GOLPH3L: variants seen among roughly 807,000 people sequenced by gnomAD.
The protein encoded by GOLPH3L is golgi phosphoprotein 3 like, also known as Golgi phosphoprotein 3-like.
A neutral mutation model predicts 30.3 loss-of-function variants in GOLPH3L; 22 were observed. The observed-to-expected ratio is 0.73, with a 90% confidence interval of 0.52 to 1.04. GOLPH3L has a LOEUF of 1.04. GOLPH3L is among the 50% of genes least tolerant of loss of function. The pLI is 0.00. For synonymous variants in GOLPH3L, 120 were observed against 128.2 expected, an observed-to-expected ratio of 0.94 and a Z score of 0.43; for missense variants, 303 against 345.8, an observed-to-expected ratio of 0.88 and a Z score of 0.98.
At chr1:150,675,162 G>A (rs963943952) in intron 2 of GOLPH3L, among the ~76,000 whole-genome samples, 1 of 152,042 alleles carries the variant, frequency 6.6e-6, no homozygotes, top group South Asian at 2.1e-4. Flanking sequence ...TTACAGATGT[G>A]AGCCACCTGG....
rs1650426744 is a variant in GOLPH3L, at chr1:150,663,693, A to G, written c.254T>C (p.Met85Thr). The G allele has an allele frequency of 6.8e-6, 11 of 1,613,578 alleles. No individual in the cohort carries two copies. Among genetic ancestry groups the G allele is most frequent in the Non-Finnish European group, 9.3e-6 (11 of 1,179,642 alleles). Residue 85 changes from methionine (M) to threonine (T), a missense_variant, in exon 3 of 5, where the codon ATG (methionine) becomes ACG (threonine). Met to Thr is a moderately conservative substitution (Grantham distance 81). Transcript: ENST00000271732. ...GGGTTCCAGATAGATTCGACCCCGCATGGCCAGCTCTATCAGGATGCCCCC... is the reference window on the plus strand; with the variant it reads ...GGGTTCCAGATAGATTCGACCCCGCGTGGCCAGCTCTATCAGGATGCCCCC... The part of the protein sequence containing the change: ...LRGGILIELA[M>T]RGRIYLEPPT...
chr1:150,662,120 G>A (rs2458393), intron 3 of GOLPH3L, among the ~76,000 whole-genome samples, 192 bp from the exon 4 acceptor site: 4,761 of 152,152 alleles, frequency 0.031, 264 homozygotes, highest in African/African-American at 0.11. Flanking sequence ...AACATTTGAA[G>A]TGGGCCCTAG....
At chr1:150,671,728 C>T (rs904291252) in intron 2 of GOLPH3L, among the ~76,000 whole-genome samples, 3 of 149,096 alleles carry the variant, frequency 2.0e-5, no homozygotes, top group Admixed American at 1.4e-4. Flanking sequence ...ATCGCTTGAA[C>T]CTGGGAGGCG....
intron 4 of GOLPH3L, among the ~76,000 whole-genome samples, chr1:150,655,621 GT>G (rs985926305): frequency 4.6e-5 from 7 of 152,154 alleles, no homozygotes; most frequent in African/African-American, 1.7e-4. Context: ...CTTTAAAATG[GT>G]TAACAGATAA....
At chr1:150,671,125 C>T (rs587635107) in intron 2 of GOLPH3L, among the ~76,000 whole-genome samples, 1 of 152,074 alleles carries the variant, frequency 6.6e-6, no homozygotes, top group South Asian at 2.1e-4. Flanking sequence ...GCCTGTAATC[C>T]CAGCTACTCA....
At chr1:150,682,088 G>T (rs942330827) in intron 2 of GOLPH3L, among the ~76,000 whole-genome samples, 5 of 151,774 alleles carry the variant, frequency 3.3e-5, no homozygotes, top group African/African-American at 1.2e-4. Context: ...TGATGCATCT[G>T]TGTATACATA....
chr1:150,694,856 G>C lies in GOLPH3L; in HGVS notation c.-12-6C>G. ...GTGGTCATTCTCACCTGTTTCTGGA[G>C]GGAGTGGTGAAAAAAAAAATCCATA... On this transcript the variant is annotated splice_region_variant and splice_polypyrimidine_tract_variant and intron_variant, in intron 1 of 4. Coordinates refer to ENST00000271732, the MANE Select transcript of GOLPH3L (RefSeq NM_018178.6). 1 of 1,558,774 alleles carries C rather than the reference G, an allele frequency of 6.4e-7. No individual in the cohort carries two copies. Among genetic ancestry groups the C allele is most frequent in the Non-Finnish European group, 8.7e-7 (1 of 1,153,242 alleles).
chr1:150,684,003 G>A (rs1390117987), intron 2 of GOLPH3L, among the ~76,000 whole-genome samples: 3 of 152,088 alleles, frequency 2.0e-5, no homozygotes, highest in Non-Finnish European at 4.4e-5. Flanking sequence ...TTTAGAAGAG[G>A]TGATTAAGTT....
chr1:150,686,858 A>C (rs1304966698), intron 2 of GOLPH3L, among the ~76,000 whole-genome samples: 6 of 152,238 alleles, frequency 3.9e-5, no homozygotes, highest in Non-Finnish European at 1.5e-5. Flanking sequence ...CCTACTATTA[A>C]AACAGGTCTT....
At chr1:150,662,283 G>A (rs1186780996) in intron 3 of GOLPH3L, among the ~76,000 whole-genome samples, 7 of 152,008 alleles carry the variant, frequency 4.6e-5, no homozygotes, top group Admixed American at 2.0e-4. Flanking sequence ...AGGCTGAGGC[G>A]GGTGGATCAC....
intron 4 of GOLPH3L, among the ~76,000 whole-genome samples, chr1:150,659,165 G>A (rs1313707655): frequency 6.6e-6 from 1 of 152,146 alleles, no homozygotes; most frequent in Non-Finnish European, 1.5e-5. Flanking sequence ...TCTGTGAGAA[G>A]TAGCTCACCT....
At chr1:150,670,607 T>C in intron 2 of GOLPH3L, among the ~76,000 whole-genome samples, 1 of 152,020 alleles carries the variant, frequency 6.6e-6, no homozygotes, top group Non-Finnish European at 1.5e-5. Flanking sequence ...AAAAAATAAA[T>C]AAATAAATAA....
rs1466944958 is a variant in GOLPH3L at position 150,668,149 on chromosome 1, C to T, written c.184-4386G>A. ...ATCATATTGCAAACAACTATTTCTC[C>T]TGACCAGACTACAAATTCCTTAAGG... On this transcript the variant is annotated intron_variant, in intron 2 of 4. Coordinates refer to ENST00000271732, the MANE Select transcript of GOLPH3L (RefSeq NM_018178.6). 2.0e-5 allele frequency among the ~76,000 whole-genome samples: 3 copies of T among 152,156 alleles called. No individual in the cohort carries two copies. The East Asian group carries it at 5.8e-4, about 29-fold the overall frequency.
chr1:150,655,988 C>T (rs1650230250), intron 4 of GOLPH3L, among the ~76,000 whole-genome samples: 1 of 152,216 alleles, frequency 6.6e-6, no homozygotes, highest in African/African-American at 2.4e-5. Context: ...CAACCTGCAG[C>T]CTGCTAAGCG....
chr1:150,649,275 T>TC (rs1200623659), intron 4 of GOLPH3L, among the ~76,000 whole-genome samples: 1 of 152,168 alleles, frequency 6.6e-6, no homozygotes, highest in Admixed American at 6.5e-5. Flanking sequence ...AACACCTCTT[T>TC]CCCCCAGCAC....
At chr1:150,696,174 T>C (rs1052864731) in intron 1 of GOLPH3L, among the ~76,000 whole-genome samples, 11 of 152,136 alleles carry the variant, frequency 7.2e-5, no homozygotes, top group African/African-American at 2.7e-4. Flanking sequence ...TCCTAATAAG[T>C]AGTGTTGCCA....
At chr1:150,686,903 T>C (rs1202961972) in intron 2 of GOLPH3L, among the ~76,000 whole-genome samples, 3 of 152,202 alleles carry the variant, frequency 2.0e-5, no homozygotes, top group African/African-American at 4.8e-5. Flanking sequence ...ATACCAATAG[T>C]AAATAGTTAT....
chr1:150,661,647 C>T (rs145682246), intron 4 of GOLPH3L, among the ~76,000 whole-genome samples, 167 bp downstream of exon 4: 2 of 152,222 alleles, frequency 1.3e-5, no homozygotes, highest in African/African-American at 2.4e-5. Context: ...CTTTGGAAAA[C>T]TTTAGGTATC....
At position 150,646,746 on chromosome 1, in the gene GOLPH3L, G is replaced by A. The variant is rs1649985491; in HGVS notation, c.*1575C>T. On this transcript the variant is annotated 3_prime_UTR_variant, in exon 5 of 5. Coordinates refer to ENST00000271732, the MANE Select transcript of GOLPH3L (RefSeq NM_018178.6). ...ATTTAATGTCAGGTCTGGGTCATCTGTATTAACCCTTTGACAGTTTGTTGT... is the reference window on the plus strand; with the variant it reads ...ATTTAATGTCAGGTCTGGGTCATCTATATTAACCCTTTGACAGTTTGTTGT... The A allele has an allele frequency of 1.3e-5, 2 of 152,172 alleles. No homozygotes were observed. Among genetic ancestry groups the A allele is most frequent in the Admixed American group, 1.3e-4 (2 of 15,276 alleles). 9.4% of individuals were successfully genotyped at this position (152,172 alleles called of 1,614,324 possible).
Sources: allele counts gnomAD v4.1 joint callset (sites outside exome capture counted in the v4.1 genomes callset), GRCh38; gene constraint gnomAD v4.1.1; transcripts MANE v1.5; gene names NCBI Gene and HGNC (gene_info 2026-07-23, HGNC 2026-07-21).